Variants in TRPM3 observed in about 807,000 individuals in gnomAD.
The protein encoded by TRPM3 is long transient receptor potential channel 3.
A neutral mutation model predicts 181.2 loss-of-function variants in TRPM3; 77 were observed. The ratio of observed to expected loss-of-function variants is 0.42; its 90% CI spans 0.35 to 0.51. The LOEUF (loss-of-function observed/expected upper bound fraction) is 0.51. Ranked by LOEUF, TRPM3 falls within the 20% of genes least tolerant of loss-of-function variation. The pLI is 0.01. For synonymous variants in TRPM3, 745 were observed against 796.4 expected (o/e 0.94, Z 1.09); for missense variants, 1,759 against 2,196.7 (o/e 0.80, Z 3.98).
At chr9:71,196,646 C>T (rs2078386802) in intron 1 of TRPM3, among the ~76,000 whole-genome samples, 1 of 152,024 alleles carries the variant, frequency 6.6e-6, no homozygotes, top group Non-Finnish European at 1.5e-5. Flanking sequence ...CAGTAATTGA[C>T]ACCTCACAGG....
In TRPM3 at chr9:71,302,405, G is replaced by A. The variant is rs188710347; in HGVS notation, c.183+144248C>T. On this transcript the variant is annotated intron_variant, in intron 1 of 24. Coordinates refer to the TRPM3 transcript ENST00000357533. ...TCTAAAAGCCACCAAAATATTCTAC[G>A]AGCAATACTGAACAAAACAAATACG... 1.1e-3 allele frequency among the ~76,000 whole-genome samples: 166 copies of A among 152,210 alleles called. 1 individual carries two copies. The highest frequency in any genetic ancestry group is 3.6e-3 in the African/African-American group (148 of 41,530).
At chr9:71,346,352 T>C (rs2091293482) in intron 1 of TRPM3, among the ~76,000 whole-genome samples, 1 of 152,240 alleles carries the variant, frequency 6.6e-6, no homozygotes, top group Non-Finnish European at 1.5e-5. Flanking sequence ...TTTTTACTCT[T>C]TGTCTCTGCA....
intron 14 of TRPM3, among the ~76,000 whole-genome samples, chr9:70,623,616 C>G (rs7857237): frequency 6.6e-6 from 1 of 152,078 alleles, no homozygotes; most frequent in Non-Finnish European, 1.5e-5. Context: ...CACCTTTACC[C>G]GATGTCATTA....
chr9:71,093,875 G>A (rs1176626518), intron 1 of TRPM3, among the ~76,000 whole-genome samples: 1 of 151,952 alleles, frequency 6.6e-6, no homozygotes, highest in African/African-American at 2.4e-5. Flanking sequence ...AGAAAATATG[G>A]CACATATACA....
intron 8 of TRPM3, chr9:70,761,347 A>T: frequency 1.6e-6 from 1 of 634,104 alleles, no homozygotes; most frequent in South Asian, 1.9e-5. Context: ...TTGTTGAGGC[A>T]GTCAGAGCGT....
rs545783570 is a variant in TRPM3 at position 70,956,189 on chromosome 9, C to A, written c.178-91678G>T. ...CATGTTGGGCGTAACAGACCACAGG[C>A]TATACTTATATGAATAAATGGAGAG... On this transcript the variant is annotated intron_variant, in intron 1 of 25. Coordinates refer to ENST00000677713, the MANE Select transcript of TRPM3 (RefSeq NM_001366145.2). 4.9e-4 allele frequency among the ~76,000 whole-genome samples: 74 copies of A among 151,760 alleles called. No individual in the cohort carries two copies. The South Asian group carries it at 0.015, about 30-fold the overall frequency.
intron 1 of TRPM3, among the ~76,000 whole-genome samples, chr9:71,216,016 TG>T (rs1300005880): frequency 6.6e-6 from 1 of 152,150 alleles, no homozygotes; most frequent in African/African-American, 2.4e-5. Flanking sequence ...CAGAGTTCCA[TG>T]AAAAAAGATT....
chr9:71,084,909 T>G (rs1316166691), intron 1 of TRPM3, among the ~76,000 whole-genome samples: 1 of 152,074 alleles, frequency 6.6e-6, no homozygotes, highest in Admixed American at 6.6e-5. Context: ...CAAAACAGCA[T>G]GGTACTGGTA....
intron 1 of TRPM3, among the ~76,000 whole-genome samples, chr9:71,339,880 T>C (rs2090833971): frequency 6.6e-6 from 1 of 152,074 alleles, no homozygotes; most frequent in Admixed American, 6.6e-5. Context: ...TTTTGGTATA[T>C]AAATTTACAA....
intron 1 of TRPM3, among the ~76,000 whole-genome samples, chr9:71,144,629 G>T (rs1298375993): frequency 6.6e-6 from 1 of 152,058 alleles, no homozygotes; most frequent in East Asian, 1.9e-4. Context: ...TCATTATAAT[G>T]AACATTACTC....
intron 1 of TRPM3, among the ~76,000 whole-genome samples, chr9:71,242,463 T>C (rs766998226): frequency 4.5e-4 from 68 of 152,304 alleles, no homozygotes; most frequent in African/African-American, 1.5e-3. Context: ...CAGAATGAAA[T>C]GCCAATGGAA....
intron 6 of TRPM3, among the ~76,000 whole-genome samples, chr9:70,788,539 A>T (rs971673850): frequency 2.4e-4 from 36 of 152,254 alleles, no homozygotes; most frequent in African/African-American, 8.2e-4. Context: ...TTTTGACACC[A>T]GGGACTGGTT....
chr9:71,111,052 GA>G (rs1400960562), intron 1 of TRPM3, among the ~76,000 whole-genome samples: 3 of 152,072 alleles, frequency 2.0e-5, no homozygotes, highest in Non-Finnish European at 4.4e-5. Flanking sequence ...CAATCAAACT[GA>G]AAAATATGCT....
At chr9:71,007,662 C>A (rs529388450) in intron 1 of TRPM3, among the ~76,000 whole-genome samples, 1 of 152,100 alleles carries the variant, frequency 6.6e-6, no homozygotes, top group African/African-American at 2.4e-5. Context: ...TAAAAAATTC[C>A]TTGGGACAAA....
rs116014113 is a variant in TRPM3, at chr9:70,845,155, A to G, written c.676+1223T>C. The stretch of plus-strand genomic sequence containing the variant: ...TGTGTGCAGAATGTTCACAAATTCT[A>G]GGTATTTAAGAGAATTCTCAGTGTA... On this transcript the variant is annotated intron_variant, in intron 4 of 25. Coordinates refer to ENST00000677713, the MANE Select transcript of TRPM3 (RefSeq NM_001366145.2). 1.0e-2 allele frequency among the ~76,000 whole-genome samples: 1,516 copies of G among 152,296 alleles called. 30 individuals carry two copies. Among genetic ancestry groups the G allele is most frequent in the African/African-American group, 0.035 (1,448 of 41,558 alleles).
intron 22 of TRPM3, among the ~76,000 whole-genome samples, chr9:70,566,723 A>G (rs2050688737): frequency 6.6e-6 from 1 of 151,966 alleles, no homozygotes. Context: ...TAGTTGGGGG[A>G]GATCTGAAGG....
At chr9:70,654,289 A>C (rs985955000) in intron 9 of TRPM3, among the ~76,000 whole-genome samples, 1 of 152,150 alleles carries the variant, frequency 6.6e-6, no homozygotes. Flanking sequence ...TGCTCCTCCC[A>C]GCCAAAAGGT....
In TRPM3 at chr9:70,652,909, G is replaced by T. The variant is rs1160790698; in HGVS notation, c.1346-12249C>A. ...TCTGCAGAGTGAGTGAGTGAGTCAAGAATTTAGAGTACCTCTCAGAGTTTG... is the reference window on the plus strand; with the variant it reads ...TCTGCAGAGTGAGTGAGTGAGTCAATAATTTAGAGTACCTCTCAGAGTTTG... On this transcript the variant is annotated intron_variant, in intron 9 of 25. Transcript: ENST00000677713. Among the ~76,000 whole-genome samples the T allele has an allele frequency of 2.6e-5, 4 of 152,310 alleles. No individual in the cohort carries two copies. In the East Asian group the frequency reaches 5.8e-4, roughly 22 times the overall value.
At chr9:70,911,406 T>C (rs1259944061) in intron 1 of TRPM3, among the ~76,000 whole-genome samples, 2 of 152,132 alleles carry the variant, frequency 1.3e-5, no homozygotes, top group African/African-American at 4.8e-5. Flanking sequence ...CCTTCCAGAG[T>C]AATTTCATAC....
Sources: gnomAD v4.1 joint callset for allele counts (sites outside exome capture counted in the v4.1 genomes callset) on GRCh38, gnomAD v4.1.1 for gene constraint, MANE v1.5 for transcripts, NCBI Gene and HGNC (gene_info 2026-07-23, HGNC 2026-07-21) for gene names.